Variants in SNAPC4 observed in about 807,000 individuals in gnomAD.
SNAPC4 encodes small nuclear RNA activating complex polypeptide 4, also known as snRNA-activating protein complex subunit 4.
In SNAPC4, 127 loss-of-function variants were observed where a neutral mutation model predicts 151.3. The ratio of observed to expected loss-of-function variants is 0.84; its 90% CI spans 0.73 to 0.97. The LOEUF is 0.97. Among genes scored for constraint, SNAPC4 ranks in the 50% least tolerant of loss-of-function variants. The pLI, the probability that SNAPC4 is intolerant of heterozygous loss-of-function variation, is 0.00. For synonymous variants in SNAPC4, 1,002 were observed against 824.4 expected (o/e 1.22, Z -3.69); for missense variants, 2,186 against 1,935.0 (o/e 1.13, Z -2.43).
intron 7 of SNAPC4, among the ~76,000 whole-genome samples, chr9:136,393,560 C>T (rs1013635438): frequency 1.3e-5 from 2 of 152,232 alleles, no homozygotes; most frequent in African/African-American, 4.8e-5. Context: ...ACCCCATCAG[C>T]AAACAGCAGG....
rs773386207 is a variant in SNAPC4 at position 136,383,560 on chromosome 9, TG to T, written c.1608del (p.Ser536ArgfsTer132). ...TCCTCCTCGCTGCTGCTGCTGCTGC[TG>T]CTGCTGCTCCCTCCACTGCTGCCAC... ...SSSGSSGGSSSSSSSSSEEDE... is the reference protein window; with the variant it reads ...SSSGSSGGSSXSSSSSSEEDE... On this transcript the variant is annotated frameshift_variant, in exon 16 of 24. Transcript: ENST00000684778. LOFTEE classifies it high-confidence loss of function. The surrounding 1 kb of genome is among the most constrained non-coding windows in gnomAD (Gnocchi z 4.2). 1.2e-5 allele frequency: 19 copies of T among 1,607,320 alleles called. No homozygotes were observed. Among genetic ancestry groups the T allele is most frequent in the Middle Eastern group, 3.3e-4 (2 of 6,024 alleles).
At chr9:136,386,726 A>C (rs1833902653) in intron 13 of SNAPC4, among the ~76,000 whole-genome samples, 1 of 151,102 alleles carries the variant, frequency 6.6e-6, no homozygotes, top group Non-Finnish European at 1.5e-5. Flanking sequence ...GAGCCACTGA[A>C]CCTGGCCTTC....
In SNAPC4 at chr9:136,381,195, T is replaced by C. The variant is rs1833677429; in HGVS notation, c.2388+127A>G. ...TGCTAACAGTGTAAGGCATGAAAAG[T>C]GCATTTTCAAGGCTAGAAAACTTTA... is the stretch of plus-strand genomic sequence containing the variant. On this transcript the variant is annotated intron_variant, in intron 19 of 23. Transcript: ENST00000684778. 13 of 769,550 alleles carry C rather than the reference T, an allele frequency of 1.7e-5. 1 individual carries two copies. Among genetic ancestry groups the C allele is most frequent in the South Asian group, 1.6e-4 (10 of 64,164 alleles). 47.7% of individuals were successfully genotyped at this position (769,550 alleles called of 1,614,324 possible). A position where few individuals can be genotyped will look rare whatever the true frequency, so the allele number is the denominator to read the frequency against.
At position 136,379,020 on chromosome 9, in the gene SNAPC4, G is replaced by A; in HGVS notation, c.2807C>T (p.Thr936Ile). 2.5e-6 allele frequency: 4 copies of A among 1,603,602 alleles called. No individual in the cohort carries two copies. Among genetic ancestry groups the A allele is most frequent in the Non-Finnish European group, 3.4e-6 (4 of 1,176,076 alleles). ...ACCCGGGGCTGGGCGGCCGTGTGGG[G>A]TGTGTGGTAGAGGGGGCTGGAGGAT... The part of the protein sequence containing the change: ...SVILQPPLPH[T>I]PHGRPAPGPT... The change falls in exon 22 of 24, where the codon ACC becomes ATC. Residue 936 changes from threonine to isoleucine, a missense_variant. Coordinates refer to ENST00000684778, the MANE Select transcript of SNAPC4 (RefSeq NM_003086.4).
At chr9:136,376,507 A>C in intron 22 of SNAPC4, 26 bp from the exon 23 acceptor site, 1 of 1,611,662 alleles carries the variant, frequency 6.2e-7, no homozygotes, top group Middle Eastern at 1.7e-4. Flanking sequence ...GGCAGTGGGG[A>C]CAAGAGTGAC....
rs368000161 is a variant in SNAPC4, at chr9:136,379,483, G to A, written c.2528-184C>T. Among the ~76,000 whole-genome samples the A allele has an allele frequency of 3.5e-4, 53 of 152,318 alleles. No homozygotes were observed. In the East Asian group the frequency reaches 4.8e-3, roughly 14 times the overall value. On this transcript the variant is annotated intron_variant, in intron 21 of 23. Transcript: ENST00000684778. ...TGGCTACCCCAGATGGCAATGCTCC[G>A]GCCAAAGCCAGGGCAGTGGGCACTC...
rs1464563492 is a variant in SNAPC4, at chr9:136,383,629, G to T, written c.1540C>A (p.His514Asn). Reference protein sequence around the residue: ...GLRRRRRRARHSVRWSSTSSS... With the variant: ...GLRRRRRRARNSVRWSSTSSS... ...CTGGTAGAGCTCCACCGGACGCTGTGACGGGCCCTCCGCCGCCGCCTCCGG... is the reference window on the plus strand; with the variant it reads ...CTGGTAGAGCTCCACCGGACGCTGTTACGGGCCCTCCGCCGCCGCCTCCGG... The change falls in exon 16 of 24, where the codon CAC becomes AAC. Residue 514 changes from histidine to asparagine, a missense_variant. Transcript: ENST00000684778. This position sits in a 1 kb window ranked among gnomAD's most constrained non-coding sequence, Gnocchi z 4.2. The T allele has an allele frequency of 6.2e-7, 1 of 1,610,804 alleles. No individual in the cohort carries two copies. Among genetic ancestry groups the T allele is most frequent in the Admixed American group, 1.7e-5 (1 of 59,956 alleles).
chr9:136,398,510 C>T lies in SNAPC4; in HGVS notation c.-9-73G>A, dbSNP rs369712051. ...GGATCCCATTCTCCTTCAGACACAC[C>T]CGCCCATGGGGGATGGCAGGAGCCT... On this transcript the variant is annotated intron_variant, in intron 1 of 23. Transcript: ENST00000684778. 37 of 1,549,314 alleles carry T rather than the reference C, an allele frequency of 2.4e-5. No homozygotes were observed. The East Asian group carries it at 4.8e-4, about 20-fold the overall frequency.
Position 136,378,144 on chromosome 9 carries a change from G to A in SNAPC4, c.3683C>T (p.Thr1228Ile). ...PRGTPGSPSGTQEPRGPLGLE... is the reference protein window; with the variant it reads ...PRGTPGSPSGIQEPRGPLGLE... ...GCCCAGAGGCCCCCTGGGCTCCTGTGTCCCTGAGGGGGACCCCGGCGTCCC... is the reference window on the plus strand; with the variant it reads ...GCCCAGAGGCCCCCTGGGCTCCTGTATCCCTGAGGGGGACCCCGGCGTCCC... Residue 1228 changes from threonine to isoleucine, a missense_variant, in exon 22 of 24, where the codon ACA becomes ATA. Thr to Ile is a moderately conservative substitution (Grantham distance 89, BLOSUM62 -1). Coordinates refer to ENST00000684778, the MANE Select transcript of SNAPC4 (RefSeq NM_003086.4). 3.7e-6 allele frequency: 6 copies of A among 1,609,352 alleles called. No homozygotes were observed. The highest frequency in any genetic ancestry group is 5.1e-6 in the Non-Finnish European group (6 of 1,178,874).
intron 1 of SNAPC4, among the ~76,000 whole-genome samples, chr9:136,399,196 C>T (rs141657597): frequency 4.0e-4 from 61 of 152,316 alleles, no homozygotes; most frequent in African/African-American, 1.2e-3. Flanking sequence ...CACCCAACAA[C>T]AAAGAGAAAC....
intron 10 of SNAPC4, among the ~76,000 whole-genome samples, chr9:136,391,469 A>C (rs1468524614): frequency 5.9e-5 from 9 of 152,212 alleles, no homozygotes; most frequent in Non-Finnish European, 1.2e-4. Context: ...GAAATCTATG[A>C]GAAGAAGAGT....
rs1405492025 is a variant in SNAPC4 at position 136,378,091 on chromosome 9, C to T, written c.3736G>A (p.Gly1246Arg). Residue 1246 changes from glycine to arginine, a missense_variant, in exon 22 of 24, where the codon GGG becomes AGG. Transcript: ENST00000684778. Reference protein sequence around the residue: ...GLEKLPLRQPGPEKGALDLEK... With the variant: ...GLEKLPLRQPRPEKGALDLEK... ...AGGTCCAGGGCCCCCTTCTCAGGCC[C>T]AGGCTGGCGCAGGGGCAGCTTCTCC... is the stretch of plus-strand genomic sequence containing the variant. The T allele has an allele frequency of 6.3e-7, 1 of 1,586,292 alleles. No individual in the cohort carries two copies. Among genetic ancestry groups the T allele is most frequent in the Non-Finnish European group, 8.6e-7 (1 of 1,167,488 alleles).
At position 136,376,452 on chromosome 9, in the gene SNAPC4, A is replaced by G. The variant is rs767634309; in HGVS notation, c.4314T>C (p.Ala1438=). The change falls in exon 23 of 24, where the codon GCT becomes GCC. Residue 1438 remains alanine, a synonymous_variant. Transcript: ENST00000684778. ...QGAPDSGKCS[A]SSCLDTSNDP... The stretch of plus-strand genomic sequence containing the variant: ...CATTAGAAGTATCCAGGCAGGAGGA[A>G]GCAGAGCATTTACCAGAGTCTGGGG... 8 of 1,613,294 alleles carry G rather than the reference A, an allele frequency of 5.0e-6. No homozygotes were observed. In the East Asian group the frequency reaches 1.8e-4, roughly 36 times the overall value.
rs771625133 is a variant in SNAPC4, at chr9:136,394,878, CCT to C, written c.472-2_472-1del. 8.6e-5 allele frequency: 138 copies of C among 1,613,688 alleles called. No individual in the cohort carries two copies. The highest frequency in any genetic ancestry group is 1.8e-4 in the South Asian group (16 of 91,076). On this transcript the variant is annotated splice_acceptor_variant, in intron 5 of 23. Coordinates refer to ENST00000684778, the MANE Select transcript of SNAPC4 (RefSeq NM_003086.4). LOFTEE classifies it high-confidence loss of function. The stretch of plus-strand genomic sequence containing the variant: ...CGTGTGTCCTCGTTGGCAGGTGGCC[CCT>C]GTCAGGGTGCACGGCATCACCACAA...
Position 136,394,883 on chromosome 9 carries a change from CAG to C in SNAPC4, c.472-7_472-6del, listed in dbSNP as rs781551065. 1.9e-5 allele frequency: 31 copies of C among 1,613,430 alleles called. No individual in the cohort carries two copies. The highest frequency in any genetic ancestry group is 1.3e-4 in the East Asian group (6 of 44,900). ...GTCCTCGTTGGCAGGTGGCCCCTGTCAGGGTGCACGGCATCACCACAAGCACA... is the reference window on the plus strand; with the variant it reads ...GTCCTCGTTGGCAGGTGGCCCCTGTCGGTGCACGGCATCACCACAAGCACA... On this transcript the variant is annotated splice_polypyrimidine_tract_variant and splice_region_variant and intron_variant, in intron 5 of 23. Coordinates refer to ENST00000684778, the MANE Select transcript of SNAPC4 (RefSeq NM_003086.4).
intron 10 of SNAPC4, among the ~76,000 whole-genome samples, chr9:136,390,554 G>GAGAAA (rs1554781193): frequency 6.1e-5 from 3 of 48,814 alleles, no homozygotes; most frequent in African/African-American, 2.6e-4. Context: ...GACTCTGTTT[G>GAGAAA]AAAAAAAAAA....
At chr9:136,384,147 C>T (rs936073242) in intron 14 of SNAPC4, 115 bp from the exon 15 acceptor site, 15 of 764,226 alleles carry the variant, frequency 2.0e-5, no homozygotes, top group East Asian at 1.6e-4. Flanking sequence ...CTCCTGTGCA[C>T]TCTCACGCTG....
chr9:136,382,301 G>A lies in SNAPC4; in HGVS notation c.2019C>T (p.Thr673=), dbSNP rs768124032. The A allele has an allele frequency of 7.4e-6, 12 of 1,612,988 alleles. No homozygotes were observed. The highest frequency in any genetic ancestry group is 4.5e-5 in the East Asian group (2 of 44,894). Residue 673 remains threonine (T), a synonymous_variant, in exon 17 of 24, where the codon ACC becomes ACT. Coordinates refer to ENST00000684778, the MANE Select transcript of SNAPC4 (RefSeq NM_003086.4). The stretch of plus-strand genomic sequence containing the variant: ...TGTTGGCCCTGAGCACCCTCAGCAC[G>A]GTCTCCACAGGCACTGTCAGCAGAC... ...GRRLLTVPVE[T]VLRVLRANTA...
At chr9:136,376,976 G>GC (rs2131460034) in intron 22 of SNAPC4, among the ~76,000 whole-genome samples, 2 of 152,342 alleles carry the variant, frequency 1.3e-5, no homozygotes, top group South Asian at 4.1e-4. Context: ...CCCAGCTGCT[G>GC]CAAGTGGGCA....
Sources: gnomAD v4.1 joint callset for allele counts (sites outside exome capture counted in the v4.1 genomes callset) on GRCh38, gnomAD v4.1.1 for gene constraint, Gnocchi (gnomAD v3.1) non-coding constraint, MANE v1.5 for transcripts, NCBI Gene and HGNC (gene_info 2026-07-23, HGNC 2026-07-21) for gene names.